Variants in ZNF723 observed in about 807,000 individuals in gnomAD.
The protein encoded by ZNF723 is zinc finger protein 723.
A neutral mutation model predicts 9.4 loss-of-function variants in ZNF723; 5 were observed. The observed-to-expected ratio is 0.53, with a 90% confidence interval of 0.28 to 1.12. The LOEUF (loss-of-function observed/expected upper bound fraction) is 1.12, where lower values mean the gene tolerates loss of function less well. ZNF723 is among the 50% of genes most tolerant of loss of function. ZNF723 has a pLI of 0.10. For synonymous variants in ZNF723, 158 were observed against 168.8 expected (o/e 0.94, Z 0.49); for missense variants, 450 against 501.5 (o/e 0.90, Z 0.98).
chr19:22,813,805 G>A, the ZNF723 span, among the ~76,000 whole-genome samples: 4 of 148,574 alleles, frequency 2.7e-5, no homozygotes, highest in Admixed American at 2.7e-4. Context: ...ATTTGGGGTA[G>A]CAAAACTTTT....
rs955205041 is a variant in ZNF723, at chr19:22,857,229, T to G, written c.338T>G (p.Leu113Ter). 8.2e-5 allele frequency: 72 copies of G among 874,656 alleles called. No individual in the cohort carries two copies. The African/African-American group carries it at 1.0e-3, about 13-fold the overall frequency. 54.2% of individuals were successfully genotyped at this position (874,656 alleles called of 1,614,324 possible). A position where few individuals can be genotyped will look rare whatever the true frequency, so the allele number is the denominator to read the frequency against. The part of the protein sequence containing the change: ...YGKYGHDNLQ[L>*]RKGCESVDEC... ...AAATATGGACATGACAATTTACAAT[T>G]AAGAAAAGGCTGTGAAAGTGTGGAT... Residue 113 changes from leucine to a stop codon, truncating the protein, a stop_gained, in exon 4 of 4, where the codon TTA becomes TGA. Coordinates refer to ENST00000600766, the MANE Select transcript of ZNF723 (RefSeq NM_001349726.2). LOFTEE classifies it low-confidence loss of function (END_TRUNC).
intron 1 of ZNF723, among the ~76,000 whole-genome samples, chr19:22,836,385 AAAAAT>A (rs1291984339): frequency 6.6e-6 from 1 of 152,006 alleles, no homozygotes; most frequent in Non-Finnish European, 1.5e-5. Context: ...TTATGTAAAA[AAAAAT>A]TAAATTCTAA....
intron 1 of ZNF723, among the ~76,000 whole-genome samples, chr19:22,839,960 A>T (rs1967220022): frequency 6.6e-6 from 1 of 151,588 alleles, no homozygotes; most frequent in African/African-American, 2.4e-5. Flanking sequence ...CTTTTTAATA[A>T]GGTTGTTTGT....
chr19:22,858,576 T>TGGCC lies in ZNF723; in HGVS notation c.*143_*144insGGCC. ...TGAGGTCAGGAGTTCGAGACCAACC[T>TGGCC]AACATGGTGAAACAACGTCTCTACT... On this transcript the variant is annotated 3_prime_UTR_variant, in exon 4 of 4. Coordinates refer to ENST00000600766, the MANE Select transcript of ZNF723 (RefSeq NM_001349726.2). 2.0e-6 allele frequency: 1 copy of TGGCC among 506,064 alleles called. No individual in the cohort carries two copies. Among genetic ancestry groups the TGGCC allele is most frequent in the Non-Finnish European group, 3.4e-6 (1 of 292,018 alleles). The allele number at this position is 506,064 out of a possible 1,614,324, so 31.3% of individuals were successfully genotyped here. A position where few individuals can be genotyped will look rare whatever the true frequency, so the allele number is the denominator to read the frequency against.
chr19:22,814,580 T>A, the ZNF723 span, among the ~76,000 whole-genome samples: 1 of 152,204 alleles, frequency 6.6e-6, no homozygotes, highest in Non-Finnish European at 1.5e-5. Flanking sequence ...GGCTTTCAAA[T>A]ACAGATCCAG....
At chr19:22,845,551 G>GGTAT (rs2145218884) in intron 1 of ZNF723, among the ~76,000 whole-genome samples, 1 of 152,220 alleles carries the variant, frequency 6.6e-6, no homozygotes, top group Admixed American at 6.5e-5. Flanking sequence ...GTTTGGGTTT[G>GGTAT]GTATGGACAG....
At chr19:22,831,160 C>T (rs1481620469), upstream of ZNF723, among the ~76,000 whole-genome samples, 3 of 152,200 alleles carry the variant, frequency 2.0e-5, no homozygotes, top group African/African-American at 7.2e-5. Context: ...AAGCTTAAAT[C>T]TGGCTGACCT....
intron 3 of ZNF723, among the ~76,000 whole-genome samples, chr19:22,851,498 G>C (rs992488610): frequency 6.6e-6 from 1 of 151,966 alleles, no homozygotes; most frequent in Non-Finnish European, 1.5e-5. Context: ...ATGCTGTCCA[G>C]CATGATTTTA....
At chr19:22,827,129 C>T in the ZNF723 span, among the ~76,000 whole-genome samples, 1 of 152,170 alleles carries the variant, frequency 6.6e-6, no homozygotes, top group African/African-American at 2.4e-5. Context: ...ATAGCAGATT[C>T]TAATGTAAAG....
At chr19:22,827,920 C>A (rs1250019321), upstream of ZNF723, among the ~76,000 whole-genome samples, 1 of 151,850 alleles carries the variant, frequency 6.6e-6, no homozygotes, top group African/African-American at 2.4e-5. Flanking sequence ...ACTAAAAATA[C>A]AAAAATAAAA....
At chr19:22,812,586 A>G in the ZNF723 span, among the ~76,000 whole-genome samples, 1 of 152,100 alleles carries the variant, frequency 6.6e-6, no homozygotes, top group African/African-American at 2.4e-5. Flanking sequence ...AACTCTCACT[A>G]ATACTGCAGA....
the ZNF723 span, among the ~76,000 whole-genome samples, chr19:22,818,752 T>C: frequency 1.3e-5 from 2 of 152,184 alleles, no homozygotes; most frequent in Non-Finnish European, 2.9e-5. Flanking sequence ...AGCACCTAGG[T>C]GATGCAATTA....
intron 3 of ZNF723, 117 bp from the exon 4 acceptor site, chr19:22,857,001 T>A (rs1057113012): frequency 6.1e-6 from 3 of 493,442 alleles, no homozygotes; most frequent in African/African-American, 4.0e-5. Flanking sequence ...AATTATGGCC[T>A]ATGGTATTTT....
chr19:22,818,214 A>G, the ZNF723 span, among the ~76,000 whole-genome samples: 2 of 152,104 alleles, frequency 1.3e-5, no homozygotes, highest in African/African-American at 4.8e-5. Flanking sequence ...TCTTAGGTAT[A>G]TCATATAAAT....
At chr19:22,842,058 G>A (rs1967253040) in intron 1 of ZNF723, among the ~76,000 whole-genome samples, 1 of 152,168 alleles carries the variant, frequency 6.6e-6, no homozygotes, top group East Asian at 1.9e-4. Context: ...AGGCCAGAGT[G>A]CAGTGACGCA....
Position 22,857,107 on chromosome 19 carries a change from AT to A in ZNF723, c.227-4del, listed in dbSNP as rs1967489472. ...TAAGATGAAGTAATTTGTTATTTCT[AT>A]TTTTTTCAGTTGTGTGTTCTCATTT... On this transcript the variant is annotated splice_polypyrimidine_tract_variant and intron_variant, in intron 3 of 3. Transcript: ENST00000600766. 13 of 873,954 alleles carry A rather than the reference AT, an allele frequency of 1.5e-5. No homozygotes were observed. The South Asian group carries it at 1.8e-4, about 12-fold the overall frequency. 54.1% of individuals were successfully genotyped at this position (873,954 alleles called of 1,614,324 possible).
chr19:22,817,677 A>T, the ZNF723 span, among the ~76,000 whole-genome samples: 1 of 152,176 alleles, frequency 6.6e-6, no homozygotes, highest in Non-Finnish European at 1.5e-5. Context: ...GGATTGTGAC[A>T]TGTATCTTTG....
At chr19:22,842,232 T>C (rs1182872604) in intron 1 of ZNF723, among the ~76,000 whole-genome samples, 2 of 152,192 alleles carry the variant, frequency 1.3e-5, no homozygotes, top group Non-Finnish European at 2.9e-5. Context: ...GTTGAACTCT[T>C]GACCTCAGGT....
rs1018105873 is a variant in ZNF723 at position 22,857,290 on chromosome 19, T to C, written c.399T>C (p.Leu133=). The change falls in exon 4 of 4, where the codon CTT becomes CTC. Residue 133 remains leucine (L), a synonymous_variant. Transcript: ENST00000600766. ...TGCACAAAGGAGGTTATGATGAACT[T>C]AAGCAATGTTTGACAACTACCCCGA... ...CKMHKGGYDE[L]KQCLTTTPSK... 11 of 814,614 alleles carry C rather than the reference T, an allele frequency of 1.4e-5. No homozygotes were observed. The highest frequency in any genetic ancestry group is 1.2e-4 in the African/African-American group (7 of 59,468). The allele number at this position is 814,614 out of a possible 1,614,324, so 50.5% of individuals were successfully genotyped here.
Sources: allele counts gnomAD v4.1 joint callset (sites outside exome capture counted in the v4.1 genomes callset), GRCh38; gene constraint gnomAD v4.1.1; transcripts MANE v1.5; gene names NCBI Gene and HGNC (gene_info 2026-07-23, HGNC 2026-07-21).